The following PARD3B variants were observed in gnomAD, a reference collection of about 807,000 sequenced individuals.
PARD3B encodes the protein partitioning defective 3 homolog B.
Under a neutral mutation model 130.2 loss-of-function variants are expected in PARD3B, and 103 were observed. The ratio of observed to expected loss-of-function variants is 0.79; its 90% CI spans 0.67 to 0.93. PARD3B has a LOEUF of 0.93. PARD3B is among the 40% of genes least tolerant of loss of function. The pLI, the probability that PARD3B is intolerant of heterozygous loss-of-function variation, is 0.00. For missense variants in PARD3B, 1,609 were observed against 1,499.2 expected (o/e 1.07, Z -1.21); for synonymous variants, 583 against 553.2 (o/e 1.05, Z -0.76).
At chr2:205,552,130 C>T (rs1324622095) in intron 21 of PARD3B, among the ~76,000 whole-genome samples, 1 of 152,132 alleles carries the variant, frequency 6.6e-6, no homozygotes, top group African/African-American at 2.4e-5. Flanking sequence ...TATTGAAAAC[C>T]TACTGGGGCC....
At chr2:204,629,316 A>G (rs568266871) in intron 1 of PARD3B, among the ~76,000 whole-genome samples, 5 of 152,310 alleles carry the variant, frequency 3.3e-5, no homozygotes, top group Non-Finnish European at 5.9e-5. Context: ...TTTCTGTTTT[A>G]CATTTTTACA....
intron 18 of PARD3B, among the ~76,000 whole-genome samples, chr2:205,304,635 C>A (rs1430934766): frequency 3.5e-4 from 47 of 133,990 alleles, no homozygotes; most frequent in South Asian, 9.8e-4. Context: ...AACTCCATCT[C>A]AAAAAAAAAA....
intron 15 of PARD3B, among the ~76,000 whole-genome samples, chr2:205,226,749 C>G (rs1419759016): frequency 6.6e-6 from 1 of 152,138 alleles, no homozygotes; most frequent in Non-Finnish European, 1.5e-5. Flanking sequence ...TCATGCTGTT[C>G]TGATTACTTT....
rs558474586 is a variant in PARD3B, at chr2:205,422,982, A to G, written c.2742-17388A>G. Among the ~76,000 whole-genome samples the G allele has an allele frequency of 2.6e-5, 4 of 152,316 alleles. No individual in the cohort carries two copies. The South Asian group carries it at 8.3e-4, about 32-fold the overall frequency. ...GTGCAAGTAGCATATGGTCGTCTAT[A>G]AAAGCCTCCTTCATACTCCTTGACA... On this transcript the variant is annotated intron_variant, in intron 19 of 22. Coordinates refer to ENST00000406610, the MANE Select transcript of PARD3B (RefSeq NM_001302769.2).
Position 204,790,264 on chromosome 2 carries a change from T to C in PARD3B, c.222+103982T>C, listed in dbSNP as rs113891278. Reference sequence around the variant, plus strand: ...TTATCTCTGGTTGTTTGTTTTGCAGTTAAAAACAAGATAGTCAGGGTCCTG... The same window carrying C: ...TTATCTCTGGTTGTTTGTTTTGCAGCTAAAAACAAGATAGTCAGGGTCCTG... On this transcript the variant is annotated intron_variant, in intron 2 of 22. Coordinates refer to ENST00000406610, the MANE Select transcript of PARD3B (RefSeq NM_001302769.2). 6.3e-3 allele frequency among the ~76,000 whole-genome samples: 962 copies of C among 152,296 alleles called. 9 individuals are homozygous for C. The highest frequency in any genetic ancestry group is 0.021 in the African/African-American group (893 of 41,572).
In PARD3B at chr2:204,895,025, G is replaced by T. The variant is rs149758810; in HGVS notation, c.223-70127G>T. Among the ~76,000 whole-genome samples the T allele has an allele frequency of 2.1e-3, 306 of 149,092 alleles. 1 individual carries two copies. Among genetic ancestry groups the T allele is most frequent in the African/African-American group, 7.2e-3 (285 of 39,552 alleles). On this transcript the variant is annotated intron_variant, in intron 2 of 22. Coordinates refer to ENST00000406610, the MANE Select transcript of PARD3B (RefSeq NM_001302769.2). ...TTTGGACTATAGTAATAGATTTTTT[G>T]AAAAGTAGAGAATTAAGGAGAAAGA...
At chr2:204,648,361 C>T (rs2035344304) in intron 1 of PARD3B, among the ~76,000 whole-genome samples, 1 of 150,638 alleles carries the variant, frequency 6.6e-6, no homozygotes, top group Non-Finnish European at 1.5e-5. Context: ...TAGATGCCCA[C>T]TGGTGGTATT....
chr2:205,510,316 T>G (rs1016255600), intron 21 of PARD3B, among the ~76,000 whole-genome samples: 1 of 152,230 alleles, frequency 6.6e-6, no homozygotes, highest in African/African-American at 2.4e-5. Context: ...CACATTCAAT[T>G]GGCCAGACAA....
chr2:205,494,278 C>A (rs530032384), intron 20 of PARD3B, among the ~76,000 whole-genome samples: 1 of 152,298 alleles, frequency 6.6e-6, no homozygotes, highest in South Asian at 2.1e-4. Flanking sequence ...TAGATGCCCA[C>A]TTATACATAT....
rs2055399365 is a variant in PARD3B, at chr2:205,615,560, C to T, written c.3365C>T (p.Pro1122Leu). ...CCAGGGGCTCATCCTATGCACCCTC[C>T]CAAAGGGAGCTATCCCCGCCCCACA... ...YYPGAHPMHP[P>L]KGSYPRPTEL... Residue 1122 changes from proline to leucine, a missense_variant, in exon 23 of 23, where the codon CCC (proline) becomes CTC (leucine). Pro to Leu is a moderately conservative substitution (Grantham distance 98). Coordinates refer to ENST00000406610, the MANE Select transcript of PARD3B (RefSeq NM_001302769.2). 6.2e-7 allele frequency: 1 copy of T among 1,614,010 alleles called. No individual in the cohort carries two copies. Among genetic ancestry groups the T allele is most frequent in the Non-Finnish European group, 8.5e-7 (1 of 1,180,002 alleles).
At chr2:204,687,545 A>G (rs2037146361) in intron 2 of PARD3B, among the ~76,000 whole-genome samples, 2 of 152,170 alleles carry the variant, frequency 1.3e-5, no homozygotes, top group Non-Finnish European at 2.9e-5. Context: ...TACTGAATTA[A>G]TGAGTGAAAA....
intron 18 of PARD3B, among the ~76,000 whole-genome samples, chr2:205,371,845 A>G (rs1013568812): frequency 2.0e-5 from 3 of 152,300 alleles, no homozygotes; most frequent in Middle Eastern, 3.4e-3. Flanking sequence ...ACAACCACTA[A>G]TCTACTTTCT....
At position 205,158,690 on chromosome 2, in the gene PARD3B, C is replaced by T. The variant is rs990637351; in HGVS notation, c.1435-32C>T. On this transcript the variant is annotated intron_variant, in intron 10 of 22. Coordinates refer to ENST00000406610, the MANE Select transcript of PARD3B (RefSeq NM_001302769.2). This position sits in a 1 kb window ranked among gnomAD's most constrained non-coding sequence, Gnocchi z 5.4. ...GTGAAATATTAATCTGCTTTCTTCT[C>T]TTCACTCTTTTCATGTGTATTCCCC... 3.2e-6 allele frequency: 5 copies of T among 1,565,220 alleles called. No homozygotes were observed. The highest frequency in any genetic ancestry group is 3.5e-6 in the Non-Finnish European group (4 of 1,145,856).
chr2:205,114,854 A>G (rs1411595497), intron 6 of PARD3B, among the ~76,000 whole-genome samples: 4 of 151,572 alleles, frequency 2.6e-5, no homozygotes, highest in Admixed American at 2.6e-4. Context: ...TTATTGTCTC[A>G]TTTCCTGTGT....
intron 14 of PARD3B, among the ~76,000 whole-genome samples, chr2:205,189,995 A>G (rs987216378): frequency 6.6e-6 from 1 of 152,220 alleles, no homozygotes; most frequent in African/African-American, 2.4e-5. Context: ...AAAGGACATA[A>G]TCAGATGTGT....
chr2:205,305,077 G>A (rs2105916450), intron 18 of PARD3B, among the ~76,000 whole-genome samples: 1 of 152,336 alleles, frequency 6.6e-6, no homozygotes, highest in South Asian at 2.1e-4. Flanking sequence ...GAGATGAGCA[G>A]AAGGTGTGAG....
intron 11 of PARD3B, among the ~76,000 whole-genome samples, chr2:205,164,790 C>T (rs1182250798): frequency 3.3e-5 from 5 of 150,726 alleles, no homozygotes; most frequent in Non-Finnish European, 7.4e-5. Flanking sequence ...TATTCGTCTT[C>T]ATTATGGGTA....
chr2:204,994,567 G>A (rs1434074243), intron 3 of PARD3B, among the ~76,000 whole-genome samples: 1 of 149,376 alleles, frequency 6.7e-6, no homozygotes, highest in Non-Finnish European at 1.5e-5. Flanking sequence ...TTGATTTGGG[G>A]TGGAGAGTTC....
chr2:205,100,403 A>G (rs998105791), intron 4 of PARD3B, among the ~76,000 whole-genome samples: 3 of 151,970 alleles, frequency 2.0e-5, no homozygotes, highest in African/African-American at 7.2e-5. Flanking sequence ...AGATTGTGAT[A>G]CTCTCCAAAT....
Sources: allele counts gnomAD v4.1 joint callset (sites outside exome capture counted in the v4.1 genomes callset), GRCh38; gene constraint gnomAD v4.1.1; non-coding constraint Gnocchi (gnomAD v3.1); transcripts MANE v1.5; gene names NCBI Gene and HGNC (gene_info 2026-07-23, HGNC 2026-07-21).